The following CCDC124 variants were observed in gnomAD, a reference collection of about 807,000 sequenced individuals.
CCDC124 encodes coiled-coil domain-containing protein 124.
CCDC124 carries 9 observed loss-of-function variants against 19.8 expected under a neutral mutation model. The ratio of observed to expected loss-of-function variants is 0.45; its 90% CI spans 0.27 to 0.79. The LOEUF is 0.79. Ranked by LOEUF, CCDC124 falls within the 30% of genes least tolerant of loss-of-function variation. CCDC124 has a pLI of 0.14. For missense variants in CCDC124, 285 were observed against 319.0 expected, an observed-to-expected ratio of 0.89 and a Z score of 0.81; for synonymous variants, 126 against 131.3, an observed-to-expected ratio of 0.96 and a Z score of 0.27.
chr19:17,942,947 G>C lies in CCDC124; in HGVS notation c.349+102G>C. 2.2e-6 allele frequency: 3 copies of C among 1,363,356 alleles called. No homozygotes were observed. The highest frequency in any genetic ancestry group is 1.9e-6 in the Non-Finnish European group (2 of 1,028,716). The allele number at this position is 1,363,356 out of a possible 1,614,324, so 84.5% of individuals were successfully genotyped here. ...CCTGGCCCCCAGAGAAGCTGCCGGGGCTCCACGTGGTGCAGGGTGGGTGGG... is the reference window on the plus strand; with the variant it reads ...CCTGGCCCCCAGAGAAGCTGCCGGGCCTCCACGTGGTGCAGGGTGGGTGGG... On this transcript the variant is annotated intron_variant, in intron 3 of 4. Transcript: ENST00000445755. The surrounding 1 kb of genome is among the most constrained non-coding windows in gnomAD (Gnocchi z 4.2).
chr19:17,940,768 C>T (rs1287954415), intron 2 of CCDC124, among the ~76,000 whole-genome samples: 1 of 145,818 alleles, frequency 6.9e-6, no homozygotes, highest in Admixed American at 6.8e-5. Flanking sequence ...AAAAAAAGGG[C>T]CGGGCGCGGT....
In CCDC124 at chr19:17,933,506, C is replaced by T. The variant is rs146780566; in HGVS notation, c.-12+458C>T. On this transcript the variant is annotated intron_variant, in intron 1 of 4. Coordinates refer to ENST00000445755, the MANE Select transcript of CCDC124 (RefSeq NM_001136203.2). ...AAGTGTGCCCCTCGCCCAGCCTGAG[C>T]CACTCCCTGGGTACCGCCTGGGCTC... is the stretch of plus-strand genomic sequence containing the variant. Among the ~76,000 whole-genome samples the T allele has an allele frequency of 1.5e-3, 228 of 152,268 alleles. 1 individual carries two copies. Among genetic ancestry groups the T allele is most frequent in the African/African-American group, 5.1e-3 (212 of 41,552 alleles).
chr19:17,938,617 G>A (rs764734758), intron 2 of CCDC124, among the ~76,000 whole-genome samples: 53 of 151,862 alleles, frequency 3.5e-4, no homozygotes, highest in African/African-American at 7.3e-5. Flanking sequence ...TTTTAAAGAC[G>A]GTCTTGCTCT....
intron 2 of CCDC124, among the ~76,000 whole-genome samples, chr19:17,939,999 C>G (rs910496137): frequency 4.0e-5 from 6 of 150,352 alleles, no homozygotes; most frequent in Non-Finnish European, 7.4e-5. Flanking sequence ...ACTGCAACCT[C>G]CGCCTCCTAG....
intron 1 of CCDC124, among the ~76,000 whole-genome samples, chr19:17,935,588 T>C (rs2147778042): frequency 6.6e-6 from 1 of 152,050 alleles, no homozygotes; most frequent in East Asian, 1.9e-4. Flanking sequence ...ACCCAGCTTT[T>C]TGGTTTTTTT....
At chr19:17,943,137 C>A (rs1411400112) in intron 3 of CCDC124, 124 bp from the exon 4 acceptor site, 4 of 843,904 alleles carry the variant, frequency 4.7e-6, no homozygotes, top group Admixed American at 4.1e-5. Context: ...GCGATTCCAT[C>A]CCCCCTCATC....
Position 17,935,651 on chromosome 19 carries a change from G to A in CCDC124, c.-11-759G>A, listed in dbSNP as rs138678800. 5.0e-3 allele frequency among the ~76,000 whole-genome samples: 759 copies of A among 151,570 alleles called. 5 individuals are homozygous for A. Among genetic ancestry groups the A allele is most frequent in the African/African-American group, 0.017 (688 of 41,286 alleles). ...GGCTGGAGTGCAGTTGCACGATCTCGGCTCACTGCAACCTCTGCCTCCCAG... is the reference window on the plus strand; with the variant it reads ...GGCTGGAGTGCAGTTGCACGATCTCAGCTCACTGCAACCTCTGCCTCCCAG... On this transcript the variant is annotated intron_variant, in intron 1 of 4. Coordinates refer to ENST00000445755, the MANE Select transcript of CCDC124 (RefSeq NM_001136203.2).
intron 2 of CCDC124, among the ~76,000 whole-genome samples, chr19:17,941,100 T>G (rs2031170374): frequency 6.7e-6 from 1 of 149,914 alleles, no homozygotes; most frequent in Admixed American, 6.7e-5. Flanking sequence ...AGAAGGCAGT[T>G]GGCTAGTTGG....
At chr19:17,934,804 C>CG (rs1343249413) in intron 1 of CCDC124, among the ~76,000 whole-genome samples, 4 of 151,950 alleles carry the variant, frequency 2.6e-5, no homozygotes, top group Non-Finnish European at 5.9e-5. Flanking sequence ...AATAAATGTA[C>CG]TCTCACACTG....
In CCDC124 at chr19:17,936,512, A is replaced by G; in HGVS notation, c.92A>G (p.Gln31Arg). The G allele has an allele frequency of 2.5e-6, 4 of 1,613,580 alleles. No homozygotes were observed. Among genetic ancestry groups the G allele is most frequent in the Non-Finnish European group, 3.4e-6 (4 of 1,179,826 alleles). ...AAGGCGGCCGCTGATGCCAAGAAGCAGAAGGAGCTGGAGGATGCCTACTGG... is the reference window on the plus strand; with the variant it reads ...AAGGCGGCCGCTGATGCCAAGAAGCGGAAGGAGCTGGAGGATGCCTACTGG... ...EAKAAADAKK[Q>R]KELEDAYWKD... The change falls in exon 2 of 5, where the codon CAG becomes CGG. Residue 31 changes from glutamine to arginine, a missense_variant. Physicochemically the swap from Gln to Arg is conservative, Grantham distance 43. Transcript: ENST00000445755.
At chr19:17,938,950 C>G (rs965226804) in intron 2 of CCDC124, among the ~76,000 whole-genome samples, 1 of 152,126 alleles carries the variant, frequency 6.6e-6, no homozygotes, top group African/African-American at 2.4e-5. Context: ...AGCACACATT[C>G]AATGTCCCTG....
chr19:17,939,352 G>A (rs1015365541), intron 2 of CCDC124, among the ~76,000 whole-genome samples: 7 of 152,006 alleles, frequency 4.6e-5, no homozygotes, highest in African/African-American at 1.7e-4. Flanking sequence ...CCGGGATCGC[G>A]CCACTGCACT....
intron 2 of CCDC124, among the ~76,000 whole-genome samples, chr19:17,940,622 C>T (rs949550116): frequency 2.0e-5 from 3 of 151,574 alleles, no homozygotes; most frequent in African/African-American, 4.9e-5. Flanking sequence ...AAATATTAGC[C>T]GGGCGTGGTG....
At position 17,936,440 on chromosome 19, in the gene CCDC124, G is replaced by T; in HGVS notation, c.20G>T (p.Gly7Val). The T allele has an allele frequency of 6.2e-7, 1 of 1,613,372 alleles. No individual in the cohort carries two copies. The highest frequency in any genetic ancestry group is 8.5e-7 in the Non-Finnish European group (1 of 1,179,768). ...TGAGGGATGCCCAAGAAGTTCCAGG[G>T]TGAGAACACCAAGTCGGCAGCGGCC... MPKKFQ[G>V]ENTKSAAARA... is the part of the protein sequence containing the mutation. Residue 7 changes from glycine (G) to valine (V), a missense_variant, in exon 2 of 5, where the codon GGT (glycine) becomes GTT (valine). Transcript: ENST00000445755.
At chr19:17,943,455 T>C in intron 4 of CCDC124, 53 bp from the exon 5 acceptor site, 1 of 1,583,568 alleles carries the variant, frequency 6.3e-7, no homozygotes, top group Non-Finnish European at 8.6e-7. Flanking sequence ...GGGGCCGGGC[T>C]TTTCGGGGCA....
intron 2 of CCDC124, among the ~76,000 whole-genome samples, chr19:17,940,623 G>A (rs1202113759): frequency 2.6e-5 from 4 of 151,690 alleles, no homozygotes; most frequent in East Asian, 1.9e-4. Flanking sequence ...AATATTAGCC[G>A]GGCGTGGTGG....
intron 1 of CCDC124, chr19:17,935,011 GCTCAGGCGATCCTTCCAC>G (rs1568437493): frequency 6.6e-6 from 1 of 151,496 alleles, no homozygotes; most frequent in Non-Finnish European, 1.5e-5. Context: ...AGCCTCCTAC[GCTCAGGCGATCCTTCCAC>G]CTCAGCCTCC....
intron 2 of CCDC124, 192 bp downstream of exon 2, chr19:17,936,771 A>C: frequency 1.7e-6 from 1 of 592,770 alleles, no homozygotes; most frequent in Non-Finnish European, 2.9e-6. Context: ...ACCTGGGGTC[A>C]GGAGTTCAAG....
intron 1 of CCDC124, 39 bp from the exon 2 acceptor site, chr19:17,936,371 T>G: frequency 6.5e-7 from 1 of 1,537,576 alleles, no homozygotes; most frequent in Non-Finnish European, 8.9e-7. Context: ...CGATGTCCCC[T>G]CCGGCCCCTG....
Sources: allele counts gnomAD v4.1 joint callset (sites outside exome capture counted in the v4.1 genomes callset), GRCh38; gene constraint gnomAD v4.1.1; non-coding constraint Gnocchi (gnomAD v3.1); transcripts MANE v1.5; gene names NCBI Gene and HGNC (gene_info 2026-07-23, HGNC 2026-07-21).